The following VRK2 variants were observed in gnomAD, a reference collection of about 807,000 sequenced individuals.
VRK2 encodes VRK serine/threonine kinase 2.
In VRK2, 60 loss-of-function variants were observed where a neutral mutation model predicts 57.6. That is an observed-to-expected ratio of 1.04 (90% confidence interval 0.85 to 1.29). The LOEUF is 1.29. Among genes scored for constraint, VRK2 ranks in the 50% most tolerant of loss-of-function variants. The probability of loss-of-function intolerance (pLI) is 0.00; values close to 1 mark genes in which losing one functional copy is unlikely to be tolerated. For missense variants in VRK2, 705 were observed against 588.1 expected (o/e 1.20, Z -2.06); for synonymous variants, 231 against 199.2 (o/e 1.16, Z -1.35).
At chr2:58,054,481 C>T (rs979639963) in intron 2 of VRK2, among the ~76,000 whole-genome samples, 9 of 151,634 alleles carry the variant, frequency 5.9e-5, no homozygotes, top group Non-Finnish European at 1.2e-4. Context: ...TAAAAGAATT[C>T]TCAGCTTTTG....
intron 1 of VRK2, among the ~76,000 whole-genome samples, chr2:57,975,531 G>A (rs1392000802): frequency 1.3e-5 from 2 of 151,690 alleles, no homozygotes; most frequent in East Asian, 1.9e-4. Flanking sequence ...TGGGGTACAC[G>A]TGCATGTTTG....
At chr2:58,140,399 G>C (rs375357659) in intron 11 of VRK2, among the ~76,000 whole-genome samples, 9 of 151,818 alleles carry the variant, frequency 5.9e-5, no homozygotes, top group African/African-American at 2.2e-4. Context: ...TTAAGATTTC[G>C]AGCATTTTTA....
intron 7 of VRK2, among the ~76,000 whole-genome samples, chr2:58,100,118 C>T (rs1377698684): frequency 1.3e-5 from 2 of 151,938 alleles, no homozygotes; most frequent in Non-Finnish European, 2.9e-5. Context: ...CTAGGATATT[C>T]ATAGGGCAGG....
chr2:57,940,957 T>C (rs1198075098), intron 1 of VRK2, among the ~76,000 whole-genome samples: 1 of 152,114 alleles, frequency 6.6e-6, no homozygotes, highest in Non-Finnish European at 1.5e-5. Context: ...AATGTATTAT[T>C]ACAGATCTTA....
chr2:57,925,050 G>A (rs1353855251), intron 1 of VRK2, among the ~76,000 whole-genome samples: 4 of 151,816 alleles, frequency 2.6e-5, no homozygotes, highest in African/African-American at 9.7e-5. Flanking sequence ...TTGCATCCCT[G>A]GGATCAATTC....
chr2:57,946,039 A>G (rs1248024931), intron 1 of VRK2, among the ~76,000 whole-genome samples: 2 of 152,156 alleles, frequency 1.3e-5, no homozygotes, highest in Non-Finnish European at 2.9e-5. Flanking sequence ...GCATTCTACA[A>G]GCGAGTATTA....
chr2:58,107,991 G>A (rs577512904), intron 7 of VRK2, among the ~76,000 whole-genome samples: 3 of 152,012 alleles, frequency 2.0e-5, no homozygotes, highest in African/African-American at 7.3e-5. Flanking sequence ...TGGGAAAGAG[G>A]CCCTTTACGT....
At chr2:58,137,055 G>T (rs1472626002) in intron 10 of VRK2, among the ~76,000 whole-genome samples, 2 of 122,296 alleles carry the variant, frequency 1.6e-5, no homozygotes, top group East Asian at 2.2e-4. Context: ...ATATATATGT[G>T]TATATATCAT....
intron 2 of VRK2, among the ~76,000 whole-genome samples, chr2:58,049,935 A>G (rs2103785161): frequency 6.6e-6 from 1 of 152,328 alleles, no homozygotes; most frequent in East Asian, 1.9e-4. Context: ...CTTATTAAAT[A>G]CTTAAGTGTC....
chr2:57,982,857 C>T (rs911552562), intron 1 of VRK2, among the ~76,000 whole-genome samples: 4 of 152,334 alleles, frequency 2.6e-5, no homozygotes, highest in African/African-American at 9.6e-5. Context: ...CGTTCCCACA[C>T]CAAACCATCA....
At chr2:58,146,193 C>T (rs1400458572) in intron 11 of VRK2, 123 bp from the exon 12 acceptor site, 2 of 840,438 alleles carry the variant, frequency 2.4e-6, no homozygotes, top group Non-Finnish European at 3.4e-6. Flanking sequence ...TGCTGCTTTC[C>T]TCTTTATTTC....
intron 1 of VRK2, among the ~76,000 whole-genome samples, chr2:58,017,645 T>C (rs576577488): frequency 1.3e-5 from 2 of 152,276 alleles, no homozygotes; most frequent in Admixed American, 1.3e-4. Flanking sequence ...CTCACATTAC[T>C]ATCCTAAAGT....
intron 5 of VRK2, among the ~76,000 whole-genome samples, chr2:58,087,028 CA>C (rs892424666): frequency 2.4e-4 from 36 of 152,070 alleles, no homozygotes; most frequent in Non-Finnish European, 1.3e-4. Context: ...AGAAGCACAA[CA>C]AATAAGTTAT....
chr2:58,145,201 C>T (rs1681930849), intron 11 of VRK2, among the ~76,000 whole-genome samples: 1 of 152,000 alleles, frequency 6.6e-6, no homozygotes, highest in African/African-American at 2.4e-5. Flanking sequence ...TCTGAGTCTA[C>T]TTCAAGGTTA....
chr2:58,084,206 T>G, intron 3 of VRK2, 68 bp downstream of exon 3: 1 of 1,500,268 alleles, frequency 6.7e-7, no homozygotes. Flanking sequence ...TTAAGAATGT[T>G]TTTCACGTTA....
intron 12 of VRK2, among the ~76,000 whole-genome samples, chr2:58,147,784 G>C (rs1394043892): frequency 6.8e-6 from 1 of 146,202 alleles, no homozygotes; most frequent in Non-Finnish European, 1.5e-5. Context: ...TTTGGGCCTG[G>C]CTTCTTTCAC....
At chr2:58,035,999 T>C (rs1483141539) in intron 3 of VRK2, among the ~76,000 whole-genome samples, 1 of 152,112 alleles carries the variant, frequency 6.6e-6, no homozygotes, top group Non-Finnish European at 1.5e-5. Context: ...GAAAGACTTC[T>C]TAAGAGTGGC....
intron 1 of VRK2, among the ~76,000 whole-genome samples, chr2:57,959,787 G>A (rs539430306): frequency 4.6e-5 from 7 of 152,168 alleles, no homozygotes; most frequent in Non-Finnish European, 7.4e-5. Flanking sequence ...AGCTGGCAGC[G>A]CTGAATTCCC....
chr2:58,008,650 G>A (rs1464715502), intron 1 of VRK2, among the ~76,000 whole-genome samples: 2 of 151,140 alleles, frequency 1.3e-5, no homozygotes, highest in African/African-American at 2.4e-5. Context: ...AAAAGCAGAA[G>A]GAATAAAATA....
Sources: gnomAD v4.1 joint callset for allele counts (sites outside exome capture counted in the v4.1 genomes callset) on GRCh38, gnomAD v4.1.1 for gene constraint, MANE v1.5 for transcripts, NCBI Gene and HGNC (gene_info 2026-07-23, HGNC 2026-07-21) for gene names.